The following METTL22 variants were observed in gnomAD, a reference collection of about 807,000 sequenced individuals.
METTL22 encodes the protein methyltransferase-like protein 22.
A neutral mutation model predicts 48.4 loss-of-function variants in METTL22; 51 were observed. The observed-to-expected ratio is 1.05, with a 90% CI of 0.84 to 1.33. METTL22 has a LOEUF of 1.33. Ranked by LOEUF, METTL22 falls within the 40% of genes most tolerant of loss-of-function variation. The pLI, the probability that METTL22 is intolerant of heterozygous loss-of-function variation, is 0.00. For missense variants in METTL22, 678 were observed against 526.9 expected, an observed-to-expected ratio of 1.29 and a Z score of -2.81; for synonymous variants, 255 against 214.1, an observed-to-expected ratio of 1.19 and a Z score of -1.67.
At chr16:8,644,469 T>G in intron 9 of METTL22, 88 bp from the exon 10 acceptor site, 1 of 1,326,578 alleles carries the variant, frequency 7.5e-7, no homozygotes, top group African/African-American at 1.5e-5. Flanking sequence ...ATGAGATCAG[T>G]GAGGGATAGG....
chr16:8,649,352 T>C lies in METTL22; in HGVS notation c.*3209T>C, dbSNP rs1001465489. 3 of 152,200 alleles carry C rather than the reference T, an allele frequency of 2.0e-5. No homozygotes were observed. The highest frequency in any genetic ancestry group is 2.0e-4 in the Admixed American group (3 of 15,280). 9.4% of individuals were successfully genotyped at this position (152,200 alleles called of 1,614,324 possible). On this transcript the variant is annotated 3_prime_UTR_variant, in exon 11 of 11. Coordinates refer to ENST00000381920, the MANE Select transcript of METTL22 (RefSeq NM_024109.4). Reference sequence around the variant, plus strand: ...TACAAGTGCTTGTTTGGCAGCGATATTCAGAATCACCAAACCATGGGGATG... The same window carrying C: ...TACAAGTGCTTGTTTGGCAGCGATACTCAGAATCACCAAACCATGGGGATG...
chr16:8,661,735 CTAT>C, the METTL22 span, among the ~76,000 whole-genome samples: 1 of 143,110 alleles, frequency 7.0e-6, no homozygotes, highest in Admixed American at 7.2e-5. Context: ...TATTTTATCA[CTAT>C]TATTATTATA....
At chr16:8,634,843 C>A (rs1176211158) in intron 3 of METTL22, among the ~76,000 whole-genome samples, 196 bp from the exon 4 acceptor site, 1 of 152,184 alleles carries the variant, frequency 6.6e-6, no homozygotes, top group Non-Finnish European at 1.5e-5. Context: ...AAAAAGCTCC[C>A]ATCCTCTGAG....
chr16:8,623,372 G>C (rs541766229), intron 1 of METTL22, among the ~76,000 whole-genome samples: 34 of 151,252 alleles, frequency 2.2e-4, no homozygotes, highest in Non-Finnish European at 4.7e-4. Context: ...GTTCACTTTT[G>C]ATTTTTACAG....
In METTL22 at chr16:8,621,758, G is replaced by A. The variant is rs1224718468; in HGVS notation, c.-188G>A. 1 of 152,326 alleles carries A rather than the reference G, an allele frequency of 6.6e-6. No homozygotes were observed. 9.4% of individuals were successfully genotyped at this position (152,326 alleles called of 1,614,324 possible). A position where few individuals can be genotyped will look rare whatever the true frequency, so the allele number is the denominator to read the frequency against. Reference sequence around the variant, plus strand: ...GAGACGGGAGTCGGGTGGGATCCCAGGCTGGGCCCCGCGGCGGGTAAGTGC... The same window carrying A: ...GAGACGGGAGTCGGGTGGGATCCCAAGCTGGGCCCCGCGGCGGGTAAGTGC... On this transcript the variant is annotated 5_prime_UTR_variant, in exon 1 of 11. Transcript: ENST00000381920.
the METTL22 span, among the ~76,000 whole-genome samples, chr16:8,658,464 C>T: frequency 6.6e-6 from 1 of 152,204 alleles, no homozygotes; most frequent in Non-Finnish European, 1.5e-5. Flanking sequence ...CACTGCAAAG[C>T]TGAAGGAGAC....
chr16:8,639,790 C>T (rs969478297), intron 6 of METTL22: 4 of 152,780 alleles, frequency 2.6e-5, no homozygotes, highest in African/African-American at 9.7e-5. Context: ...GTCCTAACGC[C>T]TCCTCCGAGC....
At chr16:8,624,056 T>C (rs942771778) in intron 1 of METTL22, 2 of 152,222 alleles carry the variant, frequency 1.3e-5, no homozygotes, top group Admixed American at 6.5e-5. Flanking sequence ...CTGCGTGAGA[T>C]TGTGGCTGAA....
At chr16:8,661,837 T>C in the METTL22 span, among the ~76,000 whole-genome samples, 47 of 144,802 alleles carry the variant, frequency 3.2e-4, 6 homozygotes, top group African/African-American at 1.0e-3. Flanking sequence ...CCTCTCAAAA[T>C]GCTGGAATTA....
intron 7 of METTL22, 114 bp from the exon 8 acceptor site, chr16:8,642,013 G>T: frequency 1.2e-6 from 1 of 804,890 alleles, no homozygotes; most frequent in Non-Finnish European, 2.2e-6. Context: ...CCACTGCACC[G>T]AGCTACCCCC....
chr16:8,666,555 C>T, the METTL22 span, among the ~76,000 whole-genome samples: 3 of 152,330 alleles, frequency 2.0e-5, no homozygotes, highest in East Asian at 5.8e-4. Flanking sequence ...TGCTCTAAGG[C>T]ACTTCTCCCA....
intron 2 of METTL22, among the ~76,000 whole-genome samples, chr16:8,626,761 C>T (rs1325602235): frequency 1.9e-5 from 1 of 52,538 alleles, no homozygotes. Flanking sequence ...GTCCTCTACT[C>T]TTTTTTTTTT....
intron 5 of METTL22, among the ~76,000 whole-genome samples, chr16:8,636,539 AC>A (rs59010865): frequency 0.26 from 592 of 2,282 alleles, 23 homozygotes; most frequent in Middle Eastern, 0.5. Flanking sequence ...AAAAAAAAAA[AC>A]AAACTTTATA....
At chr16:8,659,105 C>G in the METTL22 span, among the ~76,000 whole-genome samples, 3 of 152,196 alleles carry the variant, frequency 2.0e-5, no homozygotes, top group African/African-American at 7.2e-5. Flanking sequence ...CCAAGGTGGG[C>G]AGATAACTTG....
At chr16:8,660,802 GGAGGAGGAGGAGGAGGAGGAGGAGGA>G in the METTL22 span, among the ~76,000 whole-genome samples, 2 of 11,352 alleles carry the variant, frequency 1.8e-4, no homozygotes, top group Non-Finnish European at 4.4e-4. Flanking sequence ...AGGAGGAGGA[GGAGGAGGAGGAGGAGGAGGAGGAGGA>G]GGGGGAGGAG....
At chr16:8,659,206 C>T in the METTL22 span, among the ~76,000 whole-genome samples, 6 of 152,028 alleles carry the variant, frequency 3.9e-5, no homozygotes, top group African/African-American at 1.2e-4. Context: ...TGGTGTGCCC[C>T]TGTAGTCCCA....
At chr16:8,645,800 C>A in intron 10 of METTL22, 3 of 512,850 alleles carry the variant, frequency 5.8e-6, no homozygotes, top group South Asian at 5.7e-5. Flanking sequence ...TTATAAAGAT[C>A]TCCCCCAAAA....
chr16:8,661,342 G>A, the METTL22 span, among the ~76,000 whole-genome samples: 96,333 of 151,118 alleles, frequency 0.64, 32,074 homozygotes, highest in East Asian at 0.91. Context: ...GATAAAACCC[G>A]CCTTTATTAA....
chr16:8,647,946 C>T lies in METTL22; in HGVS notation c.*1803C>T, dbSNP rs1250678199. 1 of 152,270 alleles carries T rather than the reference C, an allele frequency of 6.6e-6. No individual in the cohort carries two copies. The highest frequency in any genetic ancestry group is 1.5e-5 in the Non-Finnish European group (1 of 68,074). 9.4% of individuals were successfully genotyped at this position (152,270 alleles called of 1,614,324 possible). Reference sequence around the variant, plus strand: ...TTTAGAGCCCATGTCCACCCATGTCCATCTGACTCCTGAGCCTGTGCTTTT... The same window carrying T: ...TTTAGAGCCCATGTCCACCCATGTCTATCTGACTCCTGAGCCTGTGCTTTT... On this transcript the variant is annotated 3_prime_UTR_variant, in exon 11 of 11. Transcript: ENST00000381920.
Sources: allele counts gnomAD v4.1 joint callset (sites outside exome capture counted in the v4.1 genomes callset), GRCh38; gene constraint gnomAD v4.1.1; transcripts MANE v1.5; gene names NCBI Gene and HGNC (gene_info 2026-07-23, HGNC 2026-07-21).